The following CDH13 variants were observed in gnomAD, a reference collection of about 807,000 sequenced individuals.
CDH13 encodes the protein cadherin 13, also known as cadherin-13.
A neutral mutation model predicts 63.8 loss-of-function variants in CDH13; 24 were observed. That is an observed-to-expected ratio of 0.38 (90% CI 0.27 to 0.53). The LOEUF (loss-of-function observed/expected upper bound fraction) is 0.53, where lower values mean the gene tolerates loss of function less well. CDH13 is among the 20% of genes least tolerant of loss of function. The probability of loss-of-function intolerance (pLI) is 0.85; values close to 1 mark genes in which losing one functional copy is unlikely to be tolerated. For synonymous variants in CDH13, 503 were observed against 355.3 expected (o/e 1.42, Z -4.67); for missense variants, 1,049 against 903.1 (o/e 1.16, Z -2.07).
chr16:82,795,294 T>G (rs1055945909), intron 1 of CDH13, among the ~76,000 whole-genome samples: 3 of 152,166 alleles, frequency 2.0e-5, no homozygotes, highest in African/African-American at 7.2e-5. Flanking sequence ...CTGAGTAAAC[T>G]CAGCCTCAGT....
chr16:83,078,577 C>T (rs1325275166), intron 3 of CDH13, among the ~76,000 whole-genome samples: 1 of 152,178 alleles, frequency 6.6e-6, no homozygotes, highest in Non-Finnish European at 1.5e-5. Flanking sequence ...CGGCCAGGTT[C>T]CTAACAGGCC....
chr16:83,106,588 A>G (rs1218346451), intron 3 of CDH13, among the ~76,000 whole-genome samples: 2 of 152,200 alleles, frequency 1.3e-5, no homozygotes, highest in Non-Finnish European at 2.9e-5. Flanking sequence ...AAGCATATCA[A>G]GGGAATGATT....
intron 5 of CDH13, among the ~76,000 whole-genome samples, chr16:83,317,338 A>G (rs1266497392): frequency 6.6e-6 from 1 of 152,222 alleles, no homozygotes; most frequent in African/African-American, 2.4e-5. Flanking sequence ...ATGTGATACA[A>G]GCAAAGACTT....
intron 11 of CDH13, among the ~76,000 whole-genome samples, chr16:83,748,795 G>A (rs745547089): frequency 2.6e-4 from 40 of 152,168 alleles, no homozygotes; most frequent in Non-Finnish European, 5.3e-4. Context: ...TGCTGGGGGC[G>A]CAGCAGTAAA....
rs189894574 is a variant in CDH13, at chr16:82,672,629, C to T, written c.45+45492C>T. On this transcript the variant is annotated intron_variant, in intron 1 of 13. Coordinates refer to ENST00000567109, the MANE Select transcript of CDH13 (RefSeq NM_001257.5). ...CTATCTAGGTGATCAGTCACCAACT[C>T]CTATTATTTCCTCCTCCATCTGCCT... 5.9e-5 allele frequency among the ~76,000 whole-genome samples: 9 copies of T among 152,214 alleles called. No individual in the cohort carries two copies. The East Asian group carries it at 1.7e-3, about 29-fold the overall frequency.
At chr16:83,236,150 T>C in intron 5 of CDH13, among the ~76,000 whole-genome samples, 1 of 152,048 alleles carries the variant, frequency 6.6e-6, no homozygotes, top group Non-Finnish European at 1.5e-5. Flanking sequence ...CTGAAAAGGA[T>C]TTAGATATTA....
intron 6 of CDH13, among the ~76,000 whole-genome samples, chr16:83,453,517 A>G (rs994794646): frequency 6.6e-6 from 1 of 152,218 alleles, no homozygotes; most frequent in African/African-American, 2.4e-5. Context: ...TAAGCACTTA[A>G]TAAAATCATA....
intron 10 of CDH13, among the ~76,000 whole-genome samples, chr16:83,715,596 A>G (rs1243773508): frequency 1.3e-5 from 2 of 152,232 alleles, no homozygotes; most frequent in South Asian, 2.1e-4. Context: ...TGCAAGCAAT[A>G]GAAATTAACT....
intron 7 of CDH13, among the ~76,000 whole-genome samples, chr16:83,568,254 G>A (rs571673221): frequency 2.0e-4 from 31 of 152,098 alleles, no homozygotes; most frequent in Non-Finnish European, 3.8e-4. Context: ...GATGAAAAAT[G>A]AAGCCACGAG....
intron 8 of CDH13, among the ~76,000 whole-genome samples, chr16:83,611,597 G>C (rs12051323): frequency 6.6e-6 from 1 of 151,356 alleles, no homozygotes; most frequent in Non-Finnish European, 1.5e-5. Context: ...CCCCTCCCTA[G>C]AAATGATACT....
chr16:82,863,921 T>C (rs2040034409), intron 2 of CDH13, among the ~76,000 whole-genome samples: 1 of 152,222 alleles, frequency 6.6e-6, no homozygotes, highest in Non-Finnish European at 1.5e-5. Context: ...GTATGAATTT[T>C]TTAAAAGTAA....
intron 6 of CDH13, among the ~76,000 whole-genome samples, chr16:83,484,465 AT>A (rs1224488616): frequency 6.6e-6 from 1 of 152,234 alleles, no homozygotes; most frequent in African/African-American, 2.4e-5. Flanking sequence ...GGATGCCCTA[AT>A]CCAAATGTGG....
chr16:83,236,970 TCAC>T (rs1485100636), intron 5 of CDH13, among the ~76,000 whole-genome samples: 1 of 151,806 alleles, frequency 6.6e-6, no homozygotes, highest in Non-Finnish European at 1.5e-5. Flanking sequence ...ATTTTAAAAA[TCAC>T]AGTGCACAAA....
chr16:83,743,927 C>G (rs575662270), intron 10 of CDH13, among the ~76,000 whole-genome samples: 32 of 151,808 alleles, frequency 2.1e-4, no homozygotes, highest in African/African-American at 6.3e-4. Context: ...ACCGAGAAGC[C>G]CAGCCCCTGG....
intron 7 of CDH13, among the ~76,000 whole-genome samples, chr16:83,504,057 C>G (rs1309461138): frequency 2.0e-5 from 3 of 152,092 alleles, no homozygotes; most frequent in African/African-American, 7.2e-5. Context: ...ACCACCATGG[C>G]ACATGTATAC....
At chr16:83,501,109 C>T (rs1317830404) in intron 7 of CDH13, among the ~76,000 whole-genome samples, 1 of 152,240 alleles carries the variant, frequency 6.6e-6, no homozygotes, top group Non-Finnish European at 1.5e-5. Flanking sequence ...TAAACGTGAT[C>T]ATCACAGACA....
chr16:82,750,853 C>T (rs567422728), intron 1 of CDH13, among the ~76,000 whole-genome samples: 51 of 152,168 alleles, frequency 3.4e-4, no homozygotes, highest in African/African-American at 7.0e-4. Context: ...TGCATTCTTC[C>T]GGCAAATATT....
intron 1 of CDH13, among the ~76,000 whole-genome samples, chr16:82,784,523 T>C (rs1238025102): frequency 6.6e-6 from 1 of 152,184 alleles, no homozygotes; most frequent in Non-Finnish European, 1.5e-5. Flanking sequence ...CCCTACATTG[T>C]CCTAGGAGCT....
chr16:83,257,980 A>G (rs1906497941), intron 5 of CDH13, among the ~76,000 whole-genome samples: 1 of 152,198 alleles, frequency 6.6e-6, no homozygotes, highest in Non-Finnish European at 1.5e-5. Context: ...GTGAGATGGT[A>G]TCTCAATGTG....
Sources: gnomAD v4.1 joint callset for allele counts (sites outside exome capture counted in the v4.1 genomes callset) on GRCh38, gnomAD v4.1.1 for gene constraint, MANE v1.5 for transcripts, NCBI Gene and HGNC (gene_info 2026-07-23, HGNC 2026-07-21) for gene names.